The following GFM2 variants were observed in gnomAD, a reference collection of about 807,000 sequenced individuals.
The protein encoded by GFM2 is GTP dependent ribosome recycling factor mitochondrial 2.
A neutral mutation model predicts 95.4 loss-of-function variants in GFM2; 72 were observed. That is an observed-to-expected ratio of 0.76 (90% CI 0.62 to 0.92). The LOEUF is 0.92. Among genes scored for constraint, GFM2 ranks in the 40% least tolerant of loss-of-function variants. The pLI, the probability that GFM2 is intolerant of heterozygous loss-of-function variation, is 0.00. For synonymous variants in GFM2, 276 were observed against 317.5 expected (o/e 0.87, Z 1.39); for missense variants, 825 against 924.1 (o/e 0.89, Z 1.39).
intron 17 of GFM2, 95 bp from the exon 18 acceptor site, chr5:74,726,221 C>A: frequency 1.3e-6 from 1 of 786,928 alleles, no homozygotes; most frequent in Non-Finnish European, 2.0e-6. Context: ...AGCTCAGGGT[C>A]TCATACAAGA....
intron 17 of GFM2, among the ~76,000 whole-genome samples, chr5:74,726,559 T>C (rs927613225): frequency 7.9e-5 from 12 of 152,228 alleles, no homozygotes; most frequent in Non-Finnish European, 1.2e-4. Context: ...AAATGTTTTA[T>C]ATTGTGTATT....
chr5:74,743,921 A>C (rs898882662), intron 10 of GFM2, among the ~76,000 whole-genome samples: 1 of 152,212 alleles, frequency 6.6e-6, no homozygotes, highest in African/African-American at 2.4e-5. Context: ...TTAATTAAAA[A>C]GTATATGTAA....
At position 74,721,328 on chromosome 5, in the gene GFM2, T is replaced by C. The variant is rs999009863; in HGVS notation, c.*327A>G. On this transcript the variant is annotated 3_prime_UTR_variant, in exon 21 of 21. Coordinates refer to ENST00000296805, the MANE Select transcript of GFM2 (RefSeq NM_032380.5). The stretch of plus-strand genomic sequence containing the variant: ...TCTTATTACATTTAGAGGCCTGGCA[T>C]CTTTCTTGTGAGACAAGCTTAAGGA... The C allele has an allele frequency of 7.7e-6, 6 of 777,748 alleles. No homozygotes were observed. 48.2% of individuals were successfully genotyped at this position (777,748 alleles called of 1,614,324 possible).
At chr5:74,751,580 G>T in intron 5 of GFM2, 87 bp from the exon 6 acceptor site, 1 of 895,174 alleles carries the variant, frequency 1.1e-6, no homozygotes, top group Non-Finnish European at 1.7e-6. Flanking sequence ...AGTTTAACCT[G>T]CCTTAAGAAA....
In GFM2 at chr5:74,736,945, G is replaced by C; in HGVS notation, c.1361C>G (p.Ala454Gly). The change falls in exon 15 of 21, where the codon GCA (alanine) becomes GGA (glycine). Residue 454 changes from alanine to glycine, a missense_variant. Ala to Gly is a moderately conservative substitution (Grantham distance 60, BLOSUM62 0). Coordinates refer to ENST00000296805, the MANE Select transcript of GFM2 (RefSeq NM_032380.5). ...TTCGGCTCTACGAGCTGCAGCTAAT[G>C]CACTGGACTTGGATGAGACAATGGT... ...GDTIVSSKSS[A>G]LAAARRAERE... 1 of 1,613,670 alleles carries C rather than the reference G, an allele frequency of 6.2e-7. No individual in the cohort carries two copies. The highest frequency in any genetic ancestry group is 8.5e-7 in the Non-Finnish European group (1 of 1,179,738).
intron 15 of GFM2, 120 bp downstream of exon 15, chr5:74,736,676 A>T (rs1742847342): frequency 6.7e-7 from 1 of 1,501,122 alleles, no homozygotes; most frequent in African/African-American, 1.4e-5. Flanking sequence ...AGAAATGTTT[A>T]CCAATATATT....
At position 74,741,621 on chromosome 5, in the gene GFM2, G is replaced by A; in HGVS notation, c.850-12C>T. 1 of 1,469,912 alleles carries A rather than the reference G, an allele frequency of 6.8e-7. No homozygotes were observed. The allele number at this position is 1,469,912 out of a possible 1,614,324, so 91.1% of individuals were successfully genotyped here. On this transcript the variant is annotated splice_polypyrimidine_tract_variant and intron_variant, in intron 10 of 20. Coordinates refer to ENST00000296805, the MANE Select transcript of GFM2 (RefSeq NM_032380.5). ...TCCAAATCTGCAACCTATAAAGAAA[G>A]GTTTTAGAGTTCTATAACTTGCATT...
In GFM2 at chr5:74,741,544, C is replaced by T. The variant is rs35565659; in HGVS notation, c.915G>A (p.Leu305=). ...TAAAATTTACCTTTTCAGCTGGTAACAAATCAAAATTCTCACTAAATTCTT... is the reference window on the plus strand; with the variant it reads ...TAAAATTTACCTTTTCAGCTGGTAATAAATCAAAATTCTCACTAAATTCTT... ...VLEEFSENFD[L]LPAEKLQTAI... is the part of the protein sequence containing the mutation. Residue 305 remains leucine, a synonymous_variant, in exon 11 of 21, where the codon TTG becomes TTA. Transcript: ENST00000296805. The T allele has an allele frequency of 4.4e-3, 6,840 of 1,548,734 alleles. 276 individuals are homozygous for T. The African/African-American group carries it at 0.083, about 19-fold the overall frequency.
intron 5 of GFM2, among the ~76,000 whole-genome samples, chr5:74,752,446 G>A (rs1055195359): frequency 1.2e-4 from 18 of 152,146 alleles, no homozygotes; most frequent in African/African-American, 3.6e-4. Context: ...AAACACCAGA[G>A]GAGGAAATAG....
chr5:74,728,770 T>TTTTTTTTTGTTTTTGAGA (rs756604027), intron 17 of GFM2, among the ~76,000 whole-genome samples: 1 of 113,794 alleles, frequency 8.8e-6, no homozygotes, highest in African/African-American at 4.1e-5. Flanking sequence ...TTTTTTTTTT[T>TTTTTTTTTGTTTTTGAGA]TTTTGAGATG....
At position 74,760,913 on chromosome 5, in the gene GFM2, C is replaced by A. The variant is rs144641284; in HGVS notation, c.137G>T (p.Ser46Ile). The change falls in exon 3 of 21, where the codon AGT (serine) becomes ATT (isoleucine). Residue 46 changes from serine to isoleucine, a missense_variant. By Grantham distance (142) the Ser-to-Ile change is moderately radical. Transcript: ENST00000296805. ...KPHVPLGRNCSSLPGLIGNDI... is the reference protein window; with the variant it reads ...KPHVPLGRNCISLPGLIGNDI... ...TCTAACATTTGTACCTGGTAGAGAA[C>A]TGCAATTTCTTCCAAGCGGCACATG... is the stretch of plus-strand genomic sequence containing the variant. The A allele has an allele frequency of 7.5e-5, 121 of 1,602,938 alleles. No homozygotes were observed. Among genetic ancestry groups the A allele is most frequent in the Non-Finnish European group, 1.0e-4 (118 of 1,170,668 alleles).
At chr5:74,738,049 T>C (rs921749644) in intron 14 of GFM2, among the ~76,000 whole-genome samples, 1 of 152,144 alleles carries the variant, frequency 6.6e-6, no homozygotes, top group Non-Finnish European at 1.5e-5. Context: ...CATATATGTA[T>C]ATACATATAT....
intron 8 of GFM2, 134 bp downstream of exon 8, chr5:74,747,558 G>T: frequency 1.9e-6 from 1 of 539,798 alleles, no homozygotes; most frequent in Non-Finnish European, 3.3e-6. Context: ...GGAATAAACT[G>T]GGATTCCATG....
chr5:74,726,019 C>A lies in GFM2; in HGVS notation c.1834G>T (p.Ala612Ser). ...AAAAGGCCTTCATTGATACTTTCAG[C>A]ATACTCAAACTCAATCACAGGCATA... is the stretch of plus-strand genomic sequence containing the variant. ...SVMPVIEFEY[A>S]ESINEGLLKV... The change falls in exon 18 of 21, where the codon GCT (alanine) becomes TCT (serine). Residue 612 changes from alanine (A) to serine (S), a missense_variant. Physicochemically the swap from Ala to Ser is moderately conservative, Grantham distance 99 (BLOSUM62 1). Coordinates refer to ENST00000296805, the MANE Select transcript of GFM2 (RefSeq NM_032380.5). The A allele has an allele frequency of 6.3e-7, 1 of 1,576,884 alleles. No individual in the cohort carries two copies.
rs184888542 is a variant in GFM2, at chr5:74,759,456, T to C, written c.149-30A>G. The C allele has an allele frequency of 2.1e-4, 252 of 1,198,142 alleles. 1 individual carries two copies. The East Asian group carries it at 4.2e-3, about 20-fold the overall frequency. The allele number at this position is 1,198,142 out of a possible 1,614,324, so 74.2% of individuals were successfully genotyped here. A position where few individuals can be genotyped will look rare whatever the true frequency, so the allele number is the denominator to read the frequency against. ...TGAAAAGAAAGTTAAAATTGAACTG[T>C]TACATTTATGAAATTTTCCTTTAAT... On this transcript the variant is annotated intron_variant, in intron 3 of 20. Transcript: ENST00000296805.
chr5:74,737,014 A>C (rs777584659), intron 14 of GFM2, 29 bp from the exon 15 acceptor site: 1 of 1,610,346 alleles, frequency 6.2e-7, no homozygotes, highest in Admixed American at 1.7e-5. Flanking sequence ...ACTTGGAACG[A>C]AAGTGGCATT....
chr5:74,754,652 A>G (rs1328337491), intron 5 of GFM2, among the ~76,000 whole-genome samples: 1 of 152,234 alleles, frequency 6.6e-6, no homozygotes, highest in African/African-American at 2.4e-5. Context: ...CTAGTCGAAC[A>G]GGAAAATATC....
intron 7 of GFM2, among the ~76,000 whole-genome samples, chr5:74,748,189 G>GA (rs1743487264): frequency 6.6e-6 from 1 of 152,162 alleles, no homozygotes; most frequent in Non-Finnish European, 1.5e-5. Flanking sequence ...TATGAAATAG[G>GA]AATTTTGCCT....
At chr5:74,732,280 G>A (rs914718557) in intron 16 of GFM2, among the ~76,000 whole-genome samples, 1 of 151,516 alleles carries the variant, frequency 6.6e-6, no homozygotes, top group Non-Finnish European at 1.5e-5. Flanking sequence ...AAACATTTCT[G>A]TTTTAATTAC....
Sources: allele counts gnomAD v4.1 joint callset (sites outside exome capture counted in the v4.1 genomes callset), GRCh38; gene constraint gnomAD v4.1.1; transcripts MANE v1.5; gene names NCBI Gene and HGNC (gene_info 2026-07-23, HGNC 2026-07-21).